Variants in KMT2C observed in about 807,000 individuals in gnomAD.
The protein encoded by KMT2C is histone-lysine N-methyltransferase 2C.
In KMT2C, 88 loss-of-function variants were observed where a neutral mutation model predicts 507.9. That is an observed-to-expected ratio of 0.17 (90% CI 0.15 to 0.21). The LOEUF is 0.21. Among genes scored for constraint, KMT2C ranks in the 10% least tolerant of loss-of-function variants. KMT2C has a pLI of 1.00. For missense variants in KMT2C, 4,954 were observed against 5,957.8 expected (o/e 0.83, Z 5.55); for synonymous variants, 2,049 against 2,080.8 (o/e 0.98, Z 0.42).
In KMT2C at chr7:152,169,240, T is replaced by C. The variant is rs1277612900; in HGVS notation, c.9463A>G (p.Ile3155Val). The change falls in exon 41 of 59, where the codon ATA (isoleucine) becomes GTA (valine). Residue 3155 changes from isoleucine to valine, a missense_variant. Coordinates refer to ENST00000262189, the MANE Select transcript of KMT2C (RefSeq NM_170606.3). ...TTAGGCCTAGAAATCTGATGTGTTA[T>C]ACTGCCATCCTAAAATAAGTAAAAT... ...GPQAIPQDGS[I>V]THQISRPNPP... 6.3e-7 allele frequency: 1 copy of C among 1,592,542 alleles called. No individual in the cohort carries two copies. The highest frequency in any genetic ancestry group is 8.6e-7 in the Non-Finnish European group (1 of 1,160,702).
chr7:152,187,962 A>AT (rs1854218930), intron 31 of KMT2C, 115 bp from the exon 32 acceptor site: 12 of 957,882 alleles, frequency 1.3e-5, no homozygotes, highest in South Asian at 1.8e-5. Flanking sequence ...ATAAACACAC[A>AT]TTTTTTTCAA....
chr7:152,300,194 T>C (rs1457991776), intron 6 of KMT2C, among the ~76,000 whole-genome samples: 1 of 152,212 alleles, frequency 6.6e-6, no homozygotes, highest in Non-Finnish European at 1.5e-5. Context: ...TAAAACTCTA[T>C]GCAAACAAAA....
rs1216807874 is a variant in KMT2C, at chr7:152,156,156, G to A, written c.11812+49C>T. On this transcript the variant is annotated intron_variant, in intron 45 of 58. Coordinates refer to ENST00000262189, the MANE Select transcript of KMT2C (RefSeq NM_170606.3). ...ATTGCCATTTCACAATACACAACTG[G>A]CAGAGGCACATTTCTCCGAGGTGTG... is the stretch of plus-strand genomic sequence containing the variant. 4 of 1,604,796 alleles carry A rather than the reference G, an allele frequency of 2.5e-6. No homozygotes were observed. In the Admixed American group the frequency reaches 6.7e-5, roughly 27 times the overall value.
rs139803484 is a variant in KMT2C at position 152,177,935 on chromosome 7, C to T, written c.7518G>A (p.Gln2506=). The change falls in exon 38 of 59, where the codon CAG becomes CAA. Residue 2506 remains glutamine (Q), a synonymous_variant. Coordinates refer to ENST00000262189, the MANE Select transcript of KMT2C (RefSeq NM_170606.3). The part of the protein sequence containing the change: ...ERFLVPPQQI[Q]GSGVSPQLRR... Reference sequence around the variant, plus strand: ...TTAGCTGTGGAGAAACTCCAGATCCCTGTATTTGCTGAGGAGGCACAAGGA... The same window carrying T: ...TTAGCTGTGGAGAAACTCCAGATCCTTGTATTTGCTGAGGAGGCACAAGGA... 2.2e-5 allele frequency: 35 copies of T among 1,602,992 alleles called. No individual in the cohort carries two copies. The African/African-American group carries it at 4.0e-4, about 18-fold the overall frequency.
intron 1 of KMT2C, among the ~76,000 whole-genome samples, chr7:152,359,948 C>T (rs2097182114): frequency 1.3e-5 from 2 of 150,306 alleles, no homozygotes; most frequent in Admixed American, 1.3e-4. Flanking sequence ...ACTTGGGAGG[C>T]TGAGGCACAA....
intron 1 of KMT2C, among the ~76,000 whole-genome samples, chr7:152,408,854 G>C: frequency 6.6e-6 from 1 of 151,728 alleles, no homozygotes; most frequent in Non-Finnish European, 1.5e-5. Flanking sequence ...TGTCCCTTGA[G>C]GGTTAATATC....
chr7:152,307,199 A>AGGGAGGG (rs1563802323), intron 6 of KMT2C, among the ~76,000 whole-genome samples: 1 of 20,720 alleles, frequency 4.8e-5, no homozygotes, highest in Non-Finnish European at 1.1e-4. Context: ...AAGAGGGAGG[A>AGGGAGGG]AGGAAGGAAG....
At chr7:152,297,039 AAGAAAGAAAGAAAGAC>A (rs2096511391) in intron 6 of KMT2C, among the ~76,000 whole-genome samples, 2 of 93,194 alleles carry the variant, frequency 2.1e-5, no homozygotes, top group Non-Finnish European at 4.2e-5. Context: ...GAAAGAAAGA[AAGAAAGAAAGAAAGAC>A]AGAGAGAGAG....
At chr7:152,327,641 A>G (rs756610866) in intron 3 of KMT2C, among the ~76,000 whole-genome samples, 3 of 152,164 alleles carry the variant, frequency 2.0e-5, no homozygotes, top group Non-Finnish European at 4.4e-5. Context: ...ATGCTTTTCA[A>G]TCAACTAGAA....
intron 44 of KMT2C, among the ~76,000 whole-genome samples, 166 bp downstream of exon 44, chr7:152,158,697 G>A (rs1036621482): frequency 4.6e-5 from 7 of 151,918 alleles, no homozygotes; most frequent in Admixed American, 1.3e-4. Flanking sequence ...TGTATTTTTC[G>A]TAGAGATGAG....
In KMT2C at chr7:152,139,502, C is replaced by A. The variant is rs577352135; in HGVS notation, c.14460+173G>T. Among the ~76,000 whole-genome samples the A allele has an allele frequency of 1.3e-5, 2 of 152,280 alleles. No homozygotes were observed. Among genetic ancestry groups the A allele is most frequent in the South Asian group, 4.1e-4 (2 of 4,826 alleles). ...TTGTCTATCAAAGTAAACTGTAACACCAATTGAAAGAGATACAACTGATAA... is the reference window on the plus strand; with the variant it reads ...TTGTCTATCAAAGTAAACTGTAACAACAATTGAAAGAGATACAACTGATAA... On this transcript the variant is annotated intron_variant, in intron 56 of 58. Coordinates refer to ENST00000262189, the MANE Select transcript of KMT2C (RefSeq NM_170606.3).
At chr7:152,161,718 C>T (rs2092463989) in intron 43 of KMT2C, among the ~76,000 whole-genome samples, 1 of 152,006 alleles carries the variant, frequency 6.6e-6, no homozygotes, top group African/African-American at 2.4e-5. Context: ...CTAAGAGTGC[C>T]AAGGGTATTA....
intron 42 of KMT2C, among the ~76,000 whole-genome samples, chr7:152,166,204 C>A (rs895891283): frequency 6.6e-6 from 1 of 150,422 alleles, no homozygotes; most frequent in South Asian, 2.1e-4. Flanking sequence ...CTCACCACAA[C>A]CTCTGACTCC....
rs548663710 is a variant in KMT2C at position 152,251,288 on chromosome 7, AT to A, written c.1622-323del. On this transcript the variant is annotated intron_variant, in intron 11 of 58. Coordinates refer to ENST00000262189, the MANE Select transcript of KMT2C (RefSeq NM_170606.3). ...ATAGTGAGAACCCATCTCTAAAACA[AT>A]TTTTTTTAAAAGGTAACTGGCACAT... Among the ~76,000 whole-genome samples the A allele has an allele frequency of 2.0e-3, 310 of 152,176 alleles. 2 individuals carry two copies. The highest frequency in any genetic ancestry group is 7.7e-3 in the Admixed American group (117 of 15,276).
At chr7:152,270,585 T>C (rs767888939) in intron 7 of KMT2C, among the ~76,000 whole-genome samples, 3 of 152,182 alleles carry the variant, frequency 2.0e-5, no homozygotes, top group East Asian at 1.9e-4. Flanking sequence ...TGCCTGTTCA[T>C]GAATCATGCC....
At chr7:152,428,458 C>CAAAAAAAA (rs140697569) in intron 1 of KMT2C, among the ~76,000 whole-genome samples, 48 of 73,474 alleles carry the variant, frequency 6.5e-4, no homozygotes, top group East Asian at 2.3e-3. Context: ...ACTAAAAATA[C>CAAAAAAAA]AAAAAAAAAA....
At chr7:152,335,360 C>T (rs2096924242) in intron 2 of KMT2C, among the ~76,000 whole-genome samples, 1 of 152,206 alleles carries the variant, frequency 6.6e-6, no homozygotes, top group Non-Finnish European at 1.5e-5. Context: ...TTATACCATT[C>T]TTACTACTGG....
In KMT2C at chr7:152,188,575, C is replaced by CAAAA. The variant is rs35832014; in HGVS notation, c.4661-732_4661-729dup. Among the ~76,000 whole-genome samples, 571 of 110,268 alleles carry CAAAA rather than the reference C, an allele frequency of 5.2e-3. 4 individuals carry two copies. The highest frequency in any genetic ancestry group is 0.018 in the African/African-American group (549 of 29,818). The allele number at this position is 110,268 out of a possible 152,430, so 72.3% of individuals were successfully genotyped here. On this transcript the variant is annotated intron_variant, in intron 31 of 58. Transcript: ENST00000262189. ...ATTTTATTCCTGTTCCTCTTAATACCAAAAAAAAAAAAAAATCTATGATTC... is the reference window on the plus strand; with the variant it reads ...ATTTTATTCCTGTTCCTCTTAATACCAAAAAAAAAAAAAAAAAAATCTATGATTC...
At chr7:152,331,186 T>C (rs899681555) in intron 2 of KMT2C, among the ~76,000 whole-genome samples, 2 of 151,956 alleles carry the variant, frequency 1.3e-5, no homozygotes, top group African/African-American at 4.8e-5. Flanking sequence ...TGAGTGCTTA[T>C]AATGTCAGCT....
Sources: gnomAD v4.1 joint callset for allele counts (sites outside exome capture counted in the v4.1 genomes callset) on GRCh38, gnomAD v4.1.1 for gene constraint, MANE v1.5 for transcripts, NCBI Gene and HGNC (gene_info 2026-07-23, HGNC 2026-07-21) for gene names.